The following TAOK1 variants were observed in gnomAD, a reference collection of about 807,000 sequenced individuals.
TAOK1 encodes the protein serine/threonine-protein kinase TAO1.
In TAOK1, 21 loss-of-function variants were observed where a neutral mutation model predicts 138.3. That is an observed-to-expected ratio of 0.15 (90% CI 0.11 to 0.22). The LOEUF (loss-of-function observed/expected upper bound fraction) is 0.22, where lower values mean the gene tolerates loss of function less well. Among genes scored for constraint, TAOK1 ranks in the 10% least tolerant of loss-of-function variants. The probability of loss-of-function intolerance (pLI) is 1.00; values close to 1 mark genes in which losing one functional copy is unlikely to be tolerated. For synonymous variants in TAOK1, 361 were observed against 398.4 expected (o/e 0.91, Z 1.12); for missense variants, 651 against 1,227.7 (o/e 0.53, Z 7.02).
chr17:29,530,739 TGTG>T (rs947163389), intron 18 of TAOK1, 120 bp downstream of exon 18: 28 of 812,330 alleles, frequency 3.4e-5, no homozygotes, highest in Middle Eastern at 4.9e-4. Flanking sequence ...GCTTGGGAAA[TGTG>T]GTGGTGGTTC....
At chr17:29,411,539 A>G (rs1598469456) in intron 1 of TAOK1, among the ~76,000 whole-genome samples, 1 of 149,790 alleles carries the variant, frequency 6.7e-6, no homozygotes. Flanking sequence ...CTACAGGCAC[A>G]CACCGCCATG....
At chr17:29,462,076 G>A (rs1383256779) in intron 2 of TAOK1, among the ~76,000 whole-genome samples, 2 of 152,160 alleles carry the variant, frequency 1.3e-5, no homozygotes, top group Non-Finnish European at 2.9e-5. Context: ...GATGAAATGT[G>A]CAGTGTTTGT....
chr17:29,541,232 C>A (rs2032310092), intron 19 of TAOK1, among the ~76,000 whole-genome samples: 1 of 151,614 alleles, frequency 6.6e-6, no homozygotes, highest in Middle Eastern at 3.2e-3. Context: ...GCCTCAGCCT[C>A]CCAAGAAGCA....
chr17:29,503,308 A>G (rs1350886653), intron 13 of TAOK1, among the ~76,000 whole-genome samples: 3 of 150,526 alleles, frequency 2.0e-5, no homozygotes, highest in Non-Finnish European at 2.9e-5. Context: ...AGGCAGGAGA[A>G]TGGTGTGAAC....
chr17:29,530,280 T>A, intron 17 of TAOK1, 127 bp from the exon 18 acceptor site: 1 of 771,606 alleles, frequency 1.3e-6, no homozygotes, highest in Admixed American at 2.9e-5. Context: ...TGCAACCTGA[T>A]GATCTGACCT....
chr17:29,530,644 A>T (rs780294816), intron 18 of TAOK1, 25 bp downstream of exon 18: 1 of 1,600,944 alleles, frequency 6.2e-7, no homozygotes, highest in East Asian at 2.2e-5. Flanking sequence ...TTTGGGGCAA[A>T]ACAAATTTAG....
At chr17:29,432,755 G>A (rs546661711) in intron 1 of TAOK1, among the ~76,000 whole-genome samples, 5 of 152,036 alleles carry the variant, frequency 3.3e-5, no homozygotes, top group African/African-American at 1.2e-4. Context: ...GATTACAGGC[G>A]TGAGCCACCA....
chr17:29,536,176 G>A (rs1464669971), intron 19 of TAOK1, among the ~76,000 whole-genome samples: 1 of 152,098 alleles, frequency 6.6e-6, no homozygotes, highest in Non-Finnish European at 1.5e-5. Flanking sequence ...GCAGGCGCCT[G>A]TAATCCCAGC....
intron 10 of TAOK1, among the ~76,000 whole-genome samples, chr17:29,493,493 C>CG (rs2031347938): frequency 7.1e-6 from 1 of 140,746 alleles, no homozygotes; most frequent in Non-Finnish European, 1.5e-5. Flanking sequence ...AGCTCCATCT[C>CG]GAAAAAAAAA....
intron 18 of TAOK1, among the ~76,000 whole-genome samples, chr17:29,531,265 CTA>C (rs2032102165): frequency 6.6e-6 from 1 of 151,518 alleles, no homozygotes; most frequent in South Asian, 2.1e-4. Context: ...CCACGCCCGG[CTA>C]CAAATTTTTT....
At chr17:29,448,131 T>G (rs1255722220) in intron 1 of TAOK1, among the ~76,000 whole-genome samples, 3 of 151,778 alleles carry the variant, frequency 2.0e-5, no homozygotes, top group Admixed American at 1.3e-4. Flanking sequence ...ATAGATAAGT[T>G]TCTTCACACT....
intron 18 of TAOK1, among the ~76,000 whole-genome samples, chr17:29,532,990 AC>A (rs1413504698): frequency 4.0e-4 from 3 of 7,430 alleles, no homozygotes; most frequent in African/African-American, 1.9e-3. Context: ...CAGGGGGCTG[AC>A]CCCCCCACCT....
intron 18 of TAOK1, 84 bp from the exon 19 acceptor site, chr17:29,534,034 A>G: frequency 7.6e-7 from 1 of 1,321,016 alleles, no homozygotes; most frequent in Non-Finnish European, 1.0e-6. Context: ...GTCTTCTAAC[A>G]CTCCTCCTCC....
intron 2 of TAOK1, among the ~76,000 whole-genome samples, chr17:29,464,822 CTTTTTT>C (rs547368498): frequency 1.5e-5 from 2 of 132,086 alleles, no homozygotes; most frequent in African/African-American, 2.8e-5. Flanking sequence ...TAAGCTCTGT[CTTTTTT>C]TTTTTTTTTT....
chr17:29,398,605 C>T (rs528790844), intron 1 of TAOK1, among the ~76,000 whole-genome samples: 80 of 152,210 alleles, frequency 5.3e-4, no homozygotes, highest in Middle Eastern at 3.4e-3. Flanking sequence ...TCTCGGCTAA[C>T]TGCAACCTCA....
In TAOK1 at chr17:29,489,664, C is replaced by T; in HGVS notation, c.656C>T (p.Ala219Val). The T allele has an allele frequency of 2.5e-6, 4 of 1,598,366 alleles. No individual in the cohort carries two copies. The highest frequency in any genetic ancestry group is 3.4e-6 in the Non-Finnish European group (4 of 1,172,050). Reference protein sequence around the residue: ...WSLGITCIELAERKPPLFNMN... With the variant: ...WSLGITCIELVERKPPLFNMN... ...CAGGAATGTTTCCTTTCTTTTACAG[C>T]GGAAAGGAAGCCTCCTTTATTTAAT... Residue 219 changes from alanine (A) to valine (V), a missense_variant and splice_region_variant, in exon 9 of 20, where the codon GCG becomes GTG. By Grantham distance (64) the Ala-to-Val change is moderately conservative (BLOSUM62 0). Around this residue, in one of 8 missense-constraint regions of TAOK1, gnomAD observed 20 missense variants for 88.6 expected, o/e 0.23. Coordinates refer to ENST00000261716, the MANE Select transcript of TAOK1 (RefSeq NM_020791.4).
intron 12 of TAOK1, among the ~76,000 whole-genome samples, chr17:29,499,792 C>T (rs2031491149): frequency 6.6e-6 from 1 of 151,994 alleles, no homozygotes; most frequent in Non-Finnish European, 1.5e-5. Flanking sequence ...AACTCCCAAC[C>T]TCAGGTGATC....
intron 19 of TAOK1, among the ~76,000 whole-genome samples, chr17:29,534,557 C>T (rs1203273517): frequency 6.6e-6 from 1 of 152,188 alleles, no homozygotes; most frequent in African/African-American, 2.4e-5. Context: ...TGTGTGAAGA[C>T]AGTCAGCTGA....
intron 15 of TAOK1, among the ~76,000 whole-genome samples, chr17:29,517,104 A>G (rs1187432758): frequency 6.6e-6 from 1 of 151,814 alleles, no homozygotes; most frequent in Non-Finnish European, 1.5e-5. Context: ...CTCCTGCCTC[A>G]GCCTCCCAAG....
Sources: allele counts gnomAD v4.1 joint callset (sites outside exome capture counted in the v4.1 genomes callset), GRCh38; gene constraint gnomAD v4.1.1; regional missense constraint gnomAD v4.1.1; transcripts MANE v1.5; gene names NCBI Gene and HGNC (gene_info 2026-07-23, HGNC 2026-07-21).